The following IFT74 variants were observed in gnomAD, a reference collection of about 807,000 sequenced individuals.
The protein encoded by IFT74 is intraflagellar transport protein 74 homolog.
In IFT74, 92 loss-of-function variants were observed where a neutral mutation model predicts 96.7. The ratio of observed to expected loss-of-function variants is 0.95; its 90% CI spans 0.80 to 1.13. IFT74 has a LOEUF of 1.13. Ranked by LOEUF, IFT74 falls within the 50% of genes most tolerant of loss-of-function variation. The pLI, the probability that IFT74 is intolerant of heterozygous loss-of-function variation, is 0.00. For missense variants in IFT74, 811 were observed against 698.2 expected (o/e 1.16, Z -1.82); for synonymous variants, 223 against 213.2 (o/e 1.05, Z -0.40).
chr9:26,965,047 A>G (rs1039213635), intron 2 of IFT74, among the ~76,000 whole-genome samples: 1 of 152,186 alleles, frequency 6.6e-6, no homozygotes, highest in Non-Finnish European at 1.5e-5. Context: ...AAGACTTACA[A>G]CAGGTGAATC....
At chr9:27,006,807 G>A (rs955633533) in intron 8 of IFT74, among the ~76,000 whole-genome samples, 2 of 143,366 alleles carry the variant, frequency 1.4e-5, no homozygotes, top group African/African-American at 2.6e-5. Flanking sequence ...GAGTTTCAAC[G>A]TTTTTGTTTA....
intron 13 of IFT74, among the ~76,000 whole-genome samples, chr9:27,037,506 A>G (rs563354548): frequency 6.6e-6 from 1 of 152,328 alleles, no homozygotes; most frequent in Non-Finnish European, 1.5e-5. Flanking sequence ...TTCCCAGAAG[A>G]GCTCAAGAAA....
chr9:26,996,245 A>G lies in IFT74; in HGVS notation c.587+6050A>G, dbSNP rs1828149061. On this transcript the variant is annotated intron_variant, in intron 8 of 19. Coordinates refer to ENST00000380062, the MANE Select transcript of IFT74 (RefSeq NM_025103.4). ...TTTTTTATACAAATTTAAAATAAAG[A>G]TAACTACCTCAGTTTATTTAGTATG... The G allele has an allele frequency of 7.6e-6, 7 of 919,732 alleles. No individual in the cohort carries two copies. The South Asian group carries it at 2.3e-4, about 31-fold the overall frequency. 57.0% of individuals were successfully genotyped at this position (919,732 alleles called of 1,614,324 possible).
intron 8 of IFT74, among the ~76,000 whole-genome samples, chr9:27,001,183 CT>C (rs1304288668): frequency 1.3e-5 from 2 of 151,908 alleles, no homozygotes; most frequent in South Asian, 4.2e-4. Context: ...ATATATGCTA[CT>C]TTTTTTTAAT....
intron 13 of IFT74, chr9:27,036,427 A>T: frequency 6.2e-7 from 1 of 1,612,418 alleles, no homozygotes; most frequent in Non-Finnish European, 8.5e-7. Context: ...AATTCTTTGT[A>T]CCCACGGGTT....
rs756866766 is a variant in IFT74 at position 27,049,732 on chromosome 9, G to A, written c.1333+1458G>A. 6.4e-4 allele frequency among the ~76,000 whole-genome samples: 97 copies of A among 152,140 alleles called. 1 individual carries two copies. The highest frequency in any genetic ancestry group is 9.6e-4 in the Non-Finnish European group (65 of 68,022). ...GATAGAAGTAAGCATAAGGAGCAAC[G>A]GAAGTACATAGGGCACATATCCAGC... On this transcript the variant is annotated intron_variant, in intron 16 of 19. Transcript: ENST00000380062.
intron 1 of IFT74, among the ~76,000 whole-genome samples, chr9:26,960,035 AAGG>A (rs1227817469): frequency 1.3e-5 from 2 of 152,282 alleles, no homozygotes; most frequent in East Asian, 3.9e-4. Flanking sequence ...TTCTTGAGAG[AAGG>A]AGGAGAGTTC....
chr9:26,998,227 A>G (rs1247015419), intron 8 of IFT74: 1 of 1,473,994 alleles, frequency 6.8e-7, no homozygotes, highest in Non-Finnish European at 9.1e-7. Flanking sequence ...TTTCAGTAAA[A>G]TTACATTGGA....
chr9:26,996,208 CT>C, intron 8 of IFT74: 1 of 762,764 alleles, frequency 1.3e-6, no homozygotes, highest in Non-Finnish European at 1.9e-6. Flanking sequence ...GATGAGGAAT[CT>C]TTCTTTTACA....
At chr9:26,984,447 T>A (rs1827543175) in intron 5 of IFT74, 52 bp from the exon 6 acceptor site, 1 of 1,585,750 alleles carries the variant, frequency 6.3e-7, no homozygotes, top group African/African-American at 1.4e-5. Flanking sequence ...TTCATTTTCT[T>A]ATGTATATTT....
In IFT74 at chr9:27,016,962, A is replaced by G. The variant is rs1362492938; in HGVS notation, c.845A>G (p.Tyr282Cys). Residue 282 changes from tyrosine (Y) to cysteine (C), a missense_variant, in exon 11 of 20, where the codon TAT (tyrosine) becomes TGT (cysteine). Transcript: ENST00000380062. ...GCGGTATTGCTGCATGAAAAACTTT[A>G]TGAGTTGGAGTCCCATCGAGATCAA... is the stretch of plus-strand genomic sequence containing the variant. ...QEAVLLHEKL[Y>C]ELESHRDQMI... The G allele has an allele frequency of 2.5e-6, 4 of 1,611,648 alleles. No homozygotes were observed. The highest frequency in any genetic ancestry group is 2.2e-5 in the South Asian group (2 of 90,708).
chr9:26,949,499 A>G (rs536536222), intron 1 of IFT74, among the ~76,000 whole-genome samples: 20 of 152,254 alleles, frequency 1.3e-4, no homozygotes, highest in African/African-American at 4.8e-4. Context: ...AACCCCTTAT[A>G]AAAGTTTTCC....
rs4977724 is a variant in IFT74, at chr9:26,970,561, A to G, written c.121-7567A>G. 2.5e-3 allele frequency among the ~76,000 whole-genome samples: 374 copies of G among 152,342 alleles called. 5 individuals carry two copies. Among genetic ancestry groups the G allele is most frequent in the Admixed American group, 0.023 (349 of 15,304 alleles). Reference sequence around the variant, plus strand: ...CTATACTTTGACCTGGTGAATGGAAAACAAAAAGTAGCATAATTAGTTGAG... The same window carrying G: ...CTATACTTTGACCTGGTGAATGGAAGACAAAAAGTAGCATAATTAGTTGAG... On this transcript the variant is annotated intron_variant, in intron 2 of 19. Transcript: ENST00000380062.
intron 2 of IFT74, among the ~76,000 whole-genome samples, chr9:26,977,558 G>A (rs1247603085): frequency 3.3e-5 from 5 of 152,022 alleles, no homozygotes; most frequent in Admixed American, 6.6e-5. Flanking sequence ...GCATGATCTC[G>A]GCTCACTGCG....
rs10812519 is a variant in IFT74 at position 27,047,008 on chromosome 9, G to A, written c.1109-266G>A. The stretch of plus-strand genomic sequence containing the variant: ...GCCAACATGGTGAAACCCTGTCTCT[G>A]GTAAAAATACAAAAATTAGCTGGGC... On this transcript the variant is annotated intron_variant, in intron 14 of 19. Transcript: ENST00000380062. Among the ~76,000 whole-genome samples, 37,446 of 151,744 alleles carry A rather than the reference G, an allele frequency of 0.25. 5,716 individuals are homozygous for A. The highest frequency in any genetic ancestry group is 0.7 in the East Asian group (3,573 of 5,116).
chr9:27,033,751 G>C (rs1830233320), intron 13 of IFT74, among the ~76,000 whole-genome samples: 1 of 151,974 alleles, frequency 6.6e-6, no homozygotes, highest in African/African-American at 2.4e-5. Context: ...TTTATAACTT[G>C]TCTGTTTATT....
At chr9:26,990,414 A>G (rs1253133808) in intron 8 of IFT74, among the ~76,000 whole-genome samples, 1 of 152,230 alleles carries the variant, frequency 6.6e-6, no homozygotes, top group East Asian at 1.9e-4. Flanking sequence ...CATAGCTTAT[A>G]TAAATAGGAT....
Position 27,062,920 on chromosome 9 carries a change from C to T in IFT74, c.*184C>T. ...AGTAAATAGTTCAATAAATGGTTTG[C>T]ATATTAAAAAGTACCATCTTCTTTT... On this transcript the variant is annotated 3_prime_UTR_variant, in exon 20 of 20. Transcript: ENST00000380062. 1 of 488,076 alleles carries T rather than the reference C, an allele frequency of 2.0e-6. No individual in the cohort carries two copies. Among genetic ancestry groups the T allele is most frequent in the Non-Finnish European group, 3.6e-6 (1 of 279,156 alleles). The allele number at this position is 488,076 out of a possible 1,614,324, so 30.2% of individuals were successfully genotyped here. A position where few individuals can be genotyped will look rare whatever the true frequency, so the allele number is the denominator to read the frequency against.
intron 8 of IFT74, among the ~76,000 whole-genome samples, chr9:26,992,621 A>C (rs745910078): frequency 3.3e-5 from 5 of 152,028 alleles, no homozygotes; most frequent in Non-Finnish European, 5.9e-5. Flanking sequence ...TGAACCCAGG[A>C]GGCGGAGGGT....
Sources: allele counts gnomAD v4.1 joint callset (sites outside exome capture counted in the v4.1 genomes callset), GRCh38; gene constraint gnomAD v4.1.1; transcripts MANE v1.5; gene names NCBI Gene and HGNC (gene_info 2026-07-23, HGNC 2026-07-21).